DLG5: variants seen among roughly 807,000 people sequenced by gnomAD.
DLG5 encodes disks large homolog 5.
DLG5 carries 48 observed loss-of-function variants against 189.8 expected under a neutral mutation model. That is an observed-to-expected ratio of 0.25 (90% CI 0.20 to 0.32). DLG5 has a LOEUF of 0.32. DLG5 is among the 10% of genes least tolerant of loss of function. The pLI is 1.00. For missense variants in DLG5, 2,160 were observed against 2,544.7 expected (o/e 0.85, Z 3.25); for synonymous variants, 1,016 against 1,054.1 (o/e 0.96, Z 0.70).
At chr10:77,828,195 T>C (rs1021142738) in intron 13 of DLG5, among the ~76,000 whole-genome samples, 1 of 152,092 alleles carries the variant, frequency 6.6e-6, no homozygotes, top group South Asian at 2.1e-4. Context: ...ACATTTAAAA[T>C]GTTAATAAAG....
chr10:77,804,543 C>T (rs1330962279), intron 27 of DLG5, among the ~76,000 whole-genome samples: 1 of 152,224 alleles, frequency 6.6e-6, no homozygotes, highest in East Asian at 1.9e-4. Flanking sequence ...GCCACCCCCA[C>T]ACCTGATTGC....
chr10:77,804,656 C>G (rs987049315), intron 27 of DLG5, among the ~76,000 whole-genome samples: 1 of 152,230 alleles, frequency 6.6e-6, no homozygotes, highest in African/African-American at 2.4e-5. Context: ...TGCATCCTTT[C>G]CACAAGGGCT....
At position 77,817,090 on chromosome 10, in the gene DLG5, G is replaced by A. The variant is rs748990884; in HGVS notation, c.3791C>T (p.Ser1264Leu). ...TTCCGCCTTGAACTGCAAGTTACTC[G>A]AAGAACCTATTGTTCCATAAGGGAA... ...SLPSSARLGS[S>L]SNLQFKAERI... The change falls in exon 19 of 32, where the codon TCG (serine) becomes TTG (leucine). Residue 1264 changes from serine (S) to leucine (L), a missense_variant. Physicochemically the swap from Ser to Leu is moderately radical, Grantham distance 145. Coordinates refer to ENST00000372391, the MANE Select transcript of DLG5 (RefSeq NM_004747.4). 19 of 1,614,040 alleles carry A rather than the reference G, an allele frequency of 1.2e-5. No homozygotes were observed. Among genetic ancestry groups the A allele is most frequent in the Non-Finnish European group, 1.5e-5 (18 of 1,180,046 alleles).
intron 1 of DLG5, among the ~76,000 whole-genome samples, chr10:77,904,781 C>CA (rs1846026414): frequency 1.2e-4 from 18 of 145,616 alleles, no homozygotes; most frequent in African/African-American, 4.5e-4. Flanking sequence ...AAAAAAAAAA[C>CA]AAAAACATGT....
At chr10:77,836,419 G>T (rs1373921363) in intron 7 of DLG5, among the ~76,000 whole-genome samples, 1 of 152,112 alleles carries the variant, frequency 6.6e-6, no homozygotes, top group Non-Finnish European at 1.5e-5. Flanking sequence ...CCTCCCGCTT[G>T]AGGCTTTCCA....
At chr10:77,930,176 G>A (rs1022805675), upstream of DLG5, among the ~76,000 whole-genome samples, 2 of 152,058 alleles carry the variant, frequency 1.3e-5, no homozygotes, top group African/African-American at 4.8e-5. Context: ...GTCAAAAACA[G>A]GCTTGAGTCT....
At chr10:77,839,170 A>G (rs966542331) in intron 7 of DLG5, among the ~76,000 whole-genome samples, 6 of 152,182 alleles carry the variant, frequency 3.9e-5, no homozygotes, top group East Asian at 3.9e-4. Flanking sequence ...TGTGCTTTCT[A>G]TATTTCTACA....
intron 7 of DLG5, among the ~76,000 whole-genome samples, chr10:77,837,106 A>G (rs1231128436): frequency 1.3e-5 from 2 of 150,760 alleles, no homozygotes; most frequent in Middle Eastern, 3.4e-3. Flanking sequence ...TCCCAGCTAC[A>G]TGGGAGACTG....
At chr10:77,799,969 A>G (rs995117621) in intron 27 of DLG5, among the ~76,000 whole-genome samples, 7 of 152,064 alleles carry the variant, frequency 4.6e-5, no homozygotes, top group Non-Finnish European at 8.8e-5. Flanking sequence ...CCAGTCCTCC[A>G]TATATTCCTG....
intron 25 of DLG5, 83 bp downstream of exon 25, chr10:77,807,709 CAGAG>C: frequency 6.7e-7 from 1 of 1,481,806 alleles, no homozygotes; most frequent in Non-Finnish European, 9.2e-7. Context: ...GGGCAAGAAA[CAGAG>C]AGCCATTCAC....
chr10:77,856,206 G>C (rs1245689615), intron 3 of DLG5, among the ~76,000 whole-genome samples: 1 of 151,932 alleles, frequency 6.6e-6, no homozygotes, highest in African/African-American at 2.4e-5. Context: ...AAAAAAATTA[G>C]TTGGGCATGG....
At chr10:77,894,042 C>G (rs1004921230) in intron 1 of DLG5, among the ~76,000 whole-genome samples, 6 of 152,256 alleles carry the variant, frequency 3.9e-5, no homozygotes, top group Non-Finnish European at 7.3e-5. Context: ...ACATAGGAAG[C>G]TGTGGGTGGA....
intron 1 of DLG5, among the ~76,000 whole-genome samples, chr10:77,870,447 C>G (rs1157299036): frequency 6.6e-6 from 1 of 152,130 alleles, no homozygotes; most frequent in East Asian, 1.9e-4. Flanking sequence ...CTTTGGGAGG[C>G]CAAGGTGGGC....
At chr10:77,884,479 G>C (rs967987058) in intron 1 of DLG5, among the ~76,000 whole-genome samples, 1 of 152,074 alleles carries the variant, frequency 6.6e-6, no homozygotes, top group Admixed American at 6.5e-5. Context: ...TCGGGCAAGA[G>C]TATCTCATCC....
At chr10:77,830,057 C>T (rs913314988) in intron 11 of DLG5, among the ~76,000 whole-genome samples, 160 bp downstream of exon 11, 4 of 152,302 alleles carry the variant, frequency 2.6e-5, no homozygotes, top group Middle Eastern at 3.4e-3. Context: ...CTGTTTCTTT[C>T]GGAGCATTAT....
At chr10:77,803,062 C>A (rs1018170963) in intron 27 of DLG5, among the ~76,000 whole-genome samples, 1 of 152,038 alleles carries the variant, frequency 6.6e-6, no homozygotes, top group Non-Finnish European at 1.5e-5. Context: ...TCTATTTTAA[C>A]CCCCAAAAGA....
chr10:77,829,155 T>C (rs1158036397), intron 12 of DLG5, among the ~76,000 whole-genome samples, 170 bp from the exon 13 acceptor site: 1 of 152,240 alleles, frequency 6.6e-6, no homozygotes, highest in Non-Finnish European at 1.5e-5. Flanking sequence ...CAGTTACATC[T>C]ACCCTGGTGA....
At position 77,889,157 on chromosome 10, in the gene DLG5, C is replaced by T. The variant is rs1231888537; in HGVS notation, c.305-19960G>A. 4.2e-5 allele frequency among the ~76,000 whole-genome samples: 6 copies of T among 144,306 alleles called. No individual in the cohort carries two copies. The East Asian group carries it at 1.2e-3, about 30-fold the overall frequency. The allele number at this position is 144,306 out of a possible 152,430, so 94.7% of individuals were successfully genotyped here. A position where few individuals can be genotyped will look rare whatever the true frequency, so the allele number is the denominator to read the frequency against. The stretch of plus-strand genomic sequence containing the variant: ...ACAAGCCCACAGGTAACCTCCCAGG[C>T]TTCACAAGCCCACAGGTAACCTCCC... On this transcript the variant is annotated intron_variant, in intron 1 of 31. Coordinates refer to ENST00000372391, the MANE Select transcript of DLG5 (RefSeq NM_004747.4).
the DLG5 span, among the ~76,000 whole-genome samples, chr10:77,940,730 C>G: frequency 6.6e-6 from 1 of 152,202 alleles, no homozygotes; most frequent in African/African-American, 2.4e-5. Flanking sequence ...TTTCCTCCCT[C>G]CTGACTGCCC....
Sources: allele counts gnomAD v4.1 joint callset (sites outside exome capture counted in the v4.1 genomes callset), GRCh38; gene constraint gnomAD v4.1.1; transcripts MANE v1.5; gene names NCBI Gene and HGNC (gene_info 2026-07-23, HGNC 2026-07-21).